ADAMTS12: variants seen among roughly 807,000 people sequenced by gnomAD.
ADAMTS12 encodes ADAM metallopeptidase with thrombospondin type 1 motif 12, also known as A disintegrin and metalloproteinase with thrombospondin motifs 12.
A neutral mutation model predicts 167.8 loss-of-function variants in ADAMTS12; 118 were observed. The observed-to-expected ratio is 0.70, with a 90% CI of 0.61 to 0.82. The LOEUF is 0.82. Among genes scored for constraint, ADAMTS12 ranks in the 40% least tolerant of loss-of-function variants. The probability of loss-of-function intolerance (pLI) is 0.00; values close to 1 mark genes in which losing one functional copy is unlikely to be tolerated. For missense variants in ADAMTS12, 1,916 were observed against 1,998.8 expected (o/e 0.96, Z 0.79); for synonymous variants, 704 against 716.9 (o/e 0.98, Z 0.29).
At chr5:33,753,549 G>A (rs937231925) in intron 2 of ADAMTS12, among the ~76,000 whole-genome samples, 1 of 152,018 alleles carries the variant, frequency 6.6e-6, no homozygotes, top group African/African-American at 2.4e-5. Context: ...TGGACCTAGG[G>A]GCCCTTAGTG....
At chr5:33,581,489 G>A (rs1345557721) in intron 18 of ADAMTS12, among the ~76,000 whole-genome samples, 1 of 152,196 alleles carries the variant, frequency 6.6e-6, no homozygotes, top group Admixed American at 6.5e-5. Flanking sequence ...GCACTGAGCT[G>A]TAGTGCTGAG....
chr5:33,698,899 G>A (rs977412140), intron 3 of ADAMTS12, among the ~76,000 whole-genome samples: 30 of 151,916 alleles, frequency 2.0e-4, no homozygotes, highest in African/African-American at 7.3e-4. Flanking sequence ...GCTTACGCCT[G>A]TAATCCCAGC....
At chr5:33,817,301 G>T (rs557173669) in intron 2 of ADAMTS12, among the ~76,000 whole-genome samples, 8 of 152,216 alleles carry the variant, frequency 5.3e-5, no homozygotes, top group African/African-American at 1.7e-4. Context: ...AGAAGAATCA[G>T]GTTTGGTTAT....
intron 16 of ADAMTS12, 106 bp from the exon 17 acceptor site, chr5:33,596,166 G>T: frequency 1.4e-6 from 2 of 1,424,538 alleles, no homozygotes; most frequent in Non-Finnish European, 9.5e-7. Context: ...CGGCTGATGG[G>T]AAAGTTGTTC....
intron 2 of ADAMTS12, among the ~76,000 whole-genome samples, chr5:33,869,528 G>T (rs2111728818): frequency 6.6e-6 from 1 of 152,240 alleles, no homozygotes; most frequent in East Asian, 1.9e-4. Context: ...AAATTTTAAA[G>T]CTGGGTGTCC....
At chr5:33,688,092 GC>G (rs1462287423) in intron 3 of ADAMTS12, among the ~76,000 whole-genome samples, 3 of 152,082 alleles carry the variant, frequency 2.0e-5, no homozygotes, top group Non-Finnish European at 4.4e-5. Context: ...TTTGGCCTTT[GC>G]CCCAATCCTA....
At chr5:33,765,197 A>G (rs1745489103) in intron 2 of ADAMTS12, among the ~76,000 whole-genome samples, 1 of 152,220 alleles carries the variant, frequency 6.6e-6, no homozygotes, top group Non-Finnish European at 1.5e-5. Flanking sequence ...TCTAATATAT[A>G]TGCTCAACCA....
intron 20 of ADAMTS12, among the ~76,000 whole-genome samples, chr5:33,554,282 G>A (rs1745394052): frequency 6.6e-6 from 1 of 152,184 alleles, no homozygotes; most frequent in Non-Finnish European, 1.5e-5. Flanking sequence ...GGAACAGTAA[G>A]TTGGTCAGAA....
chr5:33,664,262 A>G (rs951068606), intron 5 of ADAMTS12, among the ~76,000 whole-genome samples: 3 of 152,158 alleles, frequency 2.0e-5, no homozygotes, highest in African/African-American at 7.2e-5. Context: ...TTTACCTCAT[A>G]TTAAGGCTTA....
intron 2 of ADAMTS12, among the ~76,000 whole-genome samples, chr5:33,756,955 C>A (rs1388417045): frequency 6.6e-6 from 1 of 152,126 alleles, no homozygotes; most frequent in Admixed American, 6.6e-5. Context: ...TGAGATATAG[C>A]CAATGCAACA....
chr5:33,620,407 C>T (rs1304470619), intron 14 of ADAMTS12, among the ~76,000 whole-genome samples: 1 of 152,200 alleles, frequency 6.6e-6, no homozygotes, highest in Non-Finnish European at 1.5e-5. Context: ...TACTGTGATA[C>T]ACAATTTACT....
chr5:33,546,045 T>C lies in ADAMTS12; in HGVS notation c.4446+14A>G. 1 of 1,589,680 alleles carries C rather than the reference T, an allele frequency of 6.3e-7. No homozygotes were observed. The highest frequency in any genetic ancestry group is 8.5e-7 in the Non-Finnish European group (1 of 1,172,720). On this transcript the variant is annotated intron_variant, in intron 22 of 23. Transcript: ENST00000504830. The stretch of plus-strand genomic sequence containing the variant: ...AAAGCTAAAGTAAAAAAAGTATGTA[T>C]AACCAAGTCTTACCAGGTCCCAGTT...
chr5:33,801,286 G>T (rs1179551971), intron 2 of ADAMTS12, among the ~76,000 whole-genome samples: 3 of 152,204 alleles, frequency 2.0e-5, no homozygotes, highest in African/African-American at 7.2e-5. Context: ...ACTGATACAG[G>T]TGGGTAGCCT....
chr5:33,792,503 T>C (rs534949695), intron 2 of ADAMTS12, among the ~76,000 whole-genome samples: 11 of 152,348 alleles, frequency 7.2e-5, no homozygotes, highest in African/African-American at 2.2e-4. Context: ...GTTTACATAA[T>C]TGACATCCAA....
intron 2 of ADAMTS12, among the ~76,000 whole-genome samples, chr5:33,868,753 T>C (rs1120070): frequency 0.02 from 3,076 of 152,332 alleles, 151 homozygotes; most frequent in East Asian, 0.2. Context: ...ATTTCTAAAA[T>C]GTCTTAAACA....
intron 2 of ADAMTS12, among the ~76,000 whole-genome samples, chr5:33,817,069 A>G (rs895364): frequency 0.61 from 93,038 of 151,952 alleles, 29,015 homozygotes; most frequent in Non-Finnish European, 0.65. Context: ...CTTAAAAAAT[A>G]TTAATCAGAC....
At chr5:33,534,297 G>A (rs1744261396) in intron 23 of ADAMTS12, among the ~76,000 whole-genome samples, 1 of 135,716 alleles carries the variant, frequency 7.4e-6, no homozygotes, top group African/African-American at 3.0e-5. Context: ...TCCTGAGAAG[G>A]CACCCTGGCT....
rs369262022 is a variant in ADAMTS12 at position 33,561,172 on chromosome 5, G to A, written c.3980C>T (p.Thr1327Ile). The A allele has an allele frequency of 6.2e-6, 10 of 1,613,740 alleles. No individual in the cohort carries two copies. The African/African-American group carries it at 8.0e-5, about 13-fold the overall frequency. ...CCAGTAGGCCCCCAGGCCACATGTG[G>A]TGGAGCACTGTAGCAGGGAAGGAGA... ...WIVGNWSECS[T>I]TCGLGAYWRR... Residue 1327 changes from threonine (T) to isoleucine (I), a missense_variant, in exon 20 of 24, where the codon ACC becomes ATC. Physicochemically the swap from Thr to Ile is moderately conservative, Grantham distance 89 (BLOSUM62 -1). Transcript: ENST00000504830.
chr5:33,615,745 G>A, intron 15 of ADAMTS12, 83 bp downstream of exon 15: 1 of 1,526,362 alleles, frequency 6.6e-7, no homozygotes, highest in South Asian at 1.3e-5. Flanking sequence ...CTGACTTAAT[G>A]TCCCCTAGCA....
Sources: allele counts gnomAD v4.1 joint callset (sites outside exome capture counted in the v4.1 genomes callset), GRCh38; gene constraint gnomAD v4.1.1; transcripts MANE v1.5; gene names NCBI Gene and HGNC (gene_info 2026-07-23, HGNC 2026-07-21).